The following PSMG2 variants were observed in gnomAD, a reference collection of about 807,000 sequenced individuals.
The protein encoded by PSMG2 is proteasome assembly chaperone 2.
Under a neutral mutation model 31.5 loss-of-function variants are expected in PSMG2, and 21 were observed. The observed-to-expected ratio is 0.67, with a 90% CI of 0.47 to 0.96. The LOEUF (loss-of-function observed/expected upper bound fraction) is 0.96, where lower values mean the gene tolerates loss of function less well. Ranked by LOEUF, PSMG2 falls within the 40% of genes least tolerant of loss-of-function variation. PSMG2 has a pLI of 0.00. For missense variants in PSMG2, 318 were observed against 321.2 expected (o/e 0.99, Z 0.08); for synonymous variants, 120 against 110.4 (o/e 1.09, Z -0.54).
rs926712133 is a variant in PSMG2, at chr18:12,725,521, C to A, written c.785C>A (p.Ala262Glu). The A allele has an allele frequency of 2.5e-6, 4 of 1,589,372 alleles. No homozygotes were observed. Among genetic ancestry groups the A allele is most frequent in the Non-Finnish European group, 3.5e-6 (4 of 1,158,548 alleles). Residue 262 changes from alanine to glutamate, a missense_variant, in exon 7 of 7, where the codon GCA (alanine) becomes GAA (glutamate). Transcript: ENST00000317615. Reference protein sequence around the residue: ...RLLFGSGLPPALF With the variant: ...RLLFGSGLPPELF ...CTCTTTGGCAGTGGTCTTCCCCCTG[C>A]ACTTTTCTGATCTAATTTCTGTTTT...
In PSMG2 at chr18:12,662,726, G is replaced by C. The variant is rs572784299; in HGVS notation, c.-37+3953G>C. On this transcript the variant is annotated intron_variant, in intron 1 of 6. Coordinates refer to the PSMG2 transcript ENST00000585331. ...CAGGAGGCAGAGGCTGCAGTGAGCC[G>C]AGATCATGCCACTGCCCTCCAGCCT... Among the ~76,000 whole-genome samples, 15 of 152,288 alleles carry C rather than the reference G, an allele frequency of 9.8e-5. No individual in the cohort carries two copies. The South Asian group carries it at 3.1e-3, about 32-fold the overall frequency.
intron 1 of PSMG2, chr18:12,686,454 G>C: frequency 6.3e-7 from 1 of 1,591,084 alleles, no homozygotes; most frequent in South Asian, 1.1e-5. Flanking sequence ...TTTCATCCTA[G>C]GGAAAAGGGG....
At chr18:12,676,938 A>G (rs545537650) in intron 1 of PSMG2, among the ~76,000 whole-genome samples, 26 of 152,294 alleles carry the variant, frequency 1.7e-4, no homozygotes, top group African/African-American at 5.8e-4. Flanking sequence ...AGGGAACCCT[A>G]AAAGGTGAAT....
At chr18:12,674,572 T>A (rs1287506719) in intron 1 of PSMG2, 1 of 1,614,082 alleles carries the variant, frequency 6.2e-7, no homozygotes, top group Non-Finnish European at 8.5e-7. Flanking sequence ...TGCATTTCTA[T>A]ACACAAAATG....
At chr18:12,703,634 G>C (rs2040225608) in intron 1 of PSMG2, among the ~76,000 whole-genome samples, 1 of 152,176 alleles carries the variant, frequency 6.6e-6, no homozygotes, top group Non-Finnish European at 1.5e-5. Flanking sequence ...AGTCTGTTAT[G>C]TGCGAGTATT....
intron 1 of PSMG2, among the ~76,000 whole-genome samples, chr18:12,663,016 A>C (rs1020781298): frequency 2.6e-5 from 4 of 152,128 alleles, no homozygotes; most frequent in Admixed American, 2.0e-4. Context: ...AGAAGATTTG[A>C]CTTGGAAAAG....
chr18:12,675,253 G>A (rs751320292), intron 1 of PSMG2, among the ~76,000 whole-genome samples: 2 of 152,050 alleles, frequency 1.3e-5, no homozygotes, highest in Non-Finnish European at 2.9e-5. Flanking sequence ...AAAATGAGTT[G>A]GGCGTGGTGG....
intron 1 of PSMG2, chr18:12,680,679 C>T (rs2039316402): frequency 1.9e-6 from 3 of 1,609,830 alleles, no homozygotes; most frequent in East Asian, 2.2e-5. Flanking sequence ...CTGTTAAACT[C>T]TCCCAAAAAG....
Position 12,671,111 on chromosome 18 carries a change from ATTTATTCT to A in PSMG2, c.-37+12343_-37+12350del, listed in dbSNP as rs1489273527. 3 of 145,284 alleles carry A rather than the reference ATTTATTCT, an allele frequency of 2.1e-5. No homozygotes were observed. In the Admixed American group the frequency reaches 2.1e-4, roughly 10 times the overall value. The allele number at this position is 145,284 out of a possible 1,614,324, so 9.0% of individuals were successfully genotyped here. A position where few individuals can be genotyped will look rare whatever the true frequency, so the allele number is the denominator to read the frequency against. On this transcript the variant is annotated intron_variant, in intron 1 of 6. Transcript: ENST00000585331. ...TATACATAAAAATAAAACAAAGTAGATTTATTCTTTTAGAGAAATAGGGGGGGGTCTCT... is the reference window on the plus strand; with the variant it reads ...TATACATAAAAATAAAACAAAGTAGATTTAGAGAAATAGGGGGGGGTCTCT...
At chr18:12,723,963 T>C (rs1052074399) in intron 5 of PSMG2, among the ~76,000 whole-genome samples, 6 of 152,206 alleles carry the variant, frequency 3.9e-5, no homozygotes, top group African/African-American at 9.6e-5. Flanking sequence ...GATTCACTTA[T>C]AAAATGGAGC....
At chr18:12,717,802 A>G (rs1386063299) in intron 3 of PSMG2, among the ~76,000 whole-genome samples, 1 of 152,138 alleles carries the variant, frequency 6.6e-6, no homozygotes, top group Non-Finnish European at 1.5e-5. Flanking sequence ...GATGTGGAGC[A>G]TTCTCCATTC....
At chr18:12,666,444 T>TG (rs2038804999) in intron 1 of PSMG2, among the ~76,000 whole-genome samples, 1 of 149,284 alleles carries the variant, frequency 6.7e-6, no homozygotes, top group Non-Finnish European at 1.5e-5. Context: ...TGGTTTTTTT[T>TG]TTTTTTTTTT....
At chr18:12,711,942 A>G (rs1204571069) in intron 2 of PSMG2, among the ~76,000 whole-genome samples, 5 of 151,442 alleles carry the variant, frequency 3.3e-5, no homozygotes, top group African/African-American at 1.2e-4. Context: ...TTTAGTAGAG[A>G]CGGGGTTTCA....
At chr18:12,670,687 T>C (rs941547086) in intron 1 of PSMG2, 16 of 152,020 alleles carry the variant, frequency 1.1e-4, no homozygotes, top group African/African-American at 3.9e-4. Flanking sequence ...TTTTTTTCTT[T>C]GAGATAGGGT....
intron 1 of PSMG2, among the ~76,000 whole-genome samples, chr18:12,677,253 A>G (rs974092951): frequency 1.3e-5 from 2 of 152,084 alleles, no homozygotes; most frequent in Non-Finnish European, 2.9e-5. Flanking sequence ...CAGCCTGGCC[A>G]ACATGGTGAA....
chr18:12,690,069 G>A (rs1303925774), intron 1 of PSMG2, among the ~76,000 whole-genome samples: 4 of 144,628 alleles, frequency 2.8e-5, no homozygotes, highest in Non-Finnish European at 6.3e-5. Context: ...GATTACAGGC[G>A]TGAGCCACCG....
chr18:12,698,899 A>G, upstream of PSMG2: 1 of 1,050,786 alleles, frequency 9.5e-7, no homozygotes, highest in East Asian at 2.5e-5. Context: ...CTCCTTACAG[A>G]AAAAGTCATT....
At chr18:12,660,487 A>G (rs2144932986) in intron 1 of PSMG2, among the ~76,000 whole-genome samples, 1 of 152,046 alleles carries the variant, frequency 6.6e-6, no homozygotes, top group African/African-American at 2.4e-5. Flanking sequence ...ATGCCTGGCT[A>G]ATTTTTGTAT....
chr18:12,692,428 T>C (rs968534458), intron 1 of PSMG2: 2 of 152,164 alleles, frequency 1.3e-5, no homozygotes, highest in Non-Finnish European at 2.9e-5. Context: ...CATTTTCTCC[T>C]CTCTCCCCAA....
Sources: allele counts gnomAD v4.1 joint callset (sites outside exome capture counted in the v4.1 genomes callset), GRCh38; gene constraint gnomAD v4.1.1; transcripts MANE v1.5; gene names NCBI Gene and HGNC (gene_info 2026-07-23, HGNC 2026-07-21).